KERA: variants seen among roughly 807,000 people sequenced by gnomAD.
The protein encoded by KERA is keratan sulfate proteoglycan keratocan.
KERA carries 25 observed loss-of-function variants against 26.4 expected under a neutral mutation model. That is an observed-to-expected ratio of 0.95 (90% CI 0.69 to 1.32). The LOEUF (loss-of-function observed/expected upper bound fraction) is 1.32, where lower values mean the gene tolerates loss of function less well. Ranked by LOEUF, KERA falls within the 40% of genes most tolerant of loss-of-function variation. The pLI is 0.00. For missense variants in KERA, 434 were observed against 408.9 expected (o/e 1.06, Z -0.53); for synonymous variants, 167 against 146.1 (o/e 1.14, Z -1.03).
intron 2 of KERA, 36 bp downstream of exon 2, chr12:91,055,360 C>A (rs766821401): frequency 1.3e-6 from 2 of 1,563,446 alleles, no homozygotes; most frequent in South Asian, 1.1e-5. Flanking sequence ...TGACCATGAG[C>A]CCTTTAGTCA....
chr12:91,054,720 C>T (rs907469784), intron 2 of KERA, among the ~76,000 whole-genome samples: 6 of 151,284 alleles, frequency 4.0e-5, no homozygotes, highest in Admixed American at 4.0e-4. Flanking sequence ...GAGTTGCCAG[C>T]TACCAGGGAA....
intron 2 of KERA, among the ~76,000 whole-genome samples, chr12:91,053,509 AG>A (rs766086006): frequency 1.3e-5 from 2 of 151,286 alleles, no homozygotes; most frequent in Non-Finnish European, 3.0e-5. Context: ...AGGATTAAAT[AG>A]TAGTTCTCAA....
At chr12:91,056,710 T>C (rs1879013755) in intron 1 of KERA, among the ~76,000 whole-genome samples, 1 of 151,298 alleles carries the variant, frequency 6.6e-6, no homozygotes, top group African/African-American at 2.4e-5. Flanking sequence ...CTTTTACTTT[T>C]ACTCTTAAAT....
In KERA at chr12:91,052,834, C is replaced by T. The variant is rs552283816; in HGVS notation, c.887-1316G>A. The stretch of plus-strand genomic sequence containing the variant: ...CCCTTTCGATGTGCAATCCCCTTAT[C>T]CTCATCAAGCTCATGTCCCATAATC... On this transcript the variant is annotated intron_variant, in intron 2 of 2. Transcript: ENST00000266719. Among the ~76,000 whole-genome samples, 10 of 151,276 alleles carry T rather than the reference C, an allele frequency of 6.6e-5. No homozygotes were observed. The South Asian group carries it at 1.9e-3, about 28-fold the overall frequency.
At chr12:91,056,386 G>T in intron 1 of KERA, 97 bp from the exon 2 acceptor site, 1 of 963,266 alleles carries the variant, frequency 1.0e-6, no homozygotes. Flanking sequence ...CTTCTTCAGG[G>T]AAGAGGTGAA....
intron 2 of KERA, among the ~76,000 whole-genome samples, chr12:91,051,926 A>G (rs1456439171): frequency 6.6e-6 from 1 of 151,566 alleles, no homozygotes; most frequent in African/African-American, 2.4e-5. Flanking sequence ...ATGGGTAAGT[A>G]CAAGAGTAGA....
At chr12:91,056,923 C>T (rs1323020086) in intron 1 of KERA, among the ~76,000 whole-genome samples, 1 of 150,910 alleles carries the variant, frequency 6.6e-6, no homozygotes, top group African/African-American at 2.4e-5. Flanking sequence ...TTTAAGCACA[C>T]AATTAAGTTG....
intron 2 of KERA, 44 bp downstream of exon 2, chr12:91,055,352 A>G: frequency 4.6e-6 from 7 of 1,520,848 alleles, no homozygotes; most frequent in Non-Finnish European, 6.4e-6. Flanking sequence ...ACATTTAATG[A>G]CCATGAGCCC....
intron 2 of KERA, among the ~76,000 whole-genome samples, chr12:91,053,071 T>G (rs183321967): frequency 1.8e-4 from 26 of 143,976 alleles, no homozygotes; most frequent in African/African-American, 7.0e-4. Context: ...AATTTTGATG[T>G]CTTTTCATAG....
In KERA at chr12:91,051,383, A is replaced by G; in HGVS notation, c.1022T>C (p.Met341Thr). The change falls in exon 3 of 3, where the codon ATG (methionine) becomes ACG (threonine). Residue 341 changes from methionine (M) to threonine (T), a missense_variant. By Grantham distance (81) the Met-to-Thr change is moderately conservative. Transcript: ENST00000266719. The part of the protein sequence containing the change: ...EIKPPIPMAL[M>T]TCFRLLQAVI... ...AGCCTGCAGAAGTCTGAAGCAGGTC[A>G]TTAAAGCCATTGGAATTGGTGGTTT... 1 of 1,611,406 alleles carries G rather than the reference A, an allele frequency of 6.2e-7. No individual in the cohort carries two copies. The highest frequency in any genetic ancestry group is 8.5e-7 in the Non-Finnish European group (1 of 1,178,172).
chr12:91,051,468 G>A lies in KERA; in HGVS notation c.937C>T (p.Arg313Ter), dbSNP rs121917863. The change falls in exon 3 of 3, where the codon CGA (arginine) becomes TGA (stop). Residue 313 changes from arginine to a stop codon, truncating the protein, a stop_gained. Transcript: ENST00000266719. LOFTEE classifies it high-confidence loss of function. The part of the protein sequence containing the change: ...CPSPSMLPAE[R>*]DSFSYGPHLR... ...TGAGGTCCATAACTGAAGGAATCTCGTTCTGCAGGCAGCATGGATGGGCTG... is the reference window on the plus strand; with the variant it reads ...TGAGGTCCATAACTGAAGGAATCTCATTCTGCAGGCAGCATGGATGGGCTG... 20 of 1,610,592 alleles carry A rather than the reference G, an allele frequency of 1.2e-5. No homozygotes were observed. The highest frequency in any genetic ancestry group is 1.7e-5 in the Admixed American group (1 of 59,710).
chr12:91,055,329 T>G, intron 2 of KERA, 67 bp downstream of exon 2: 1 of 1,403,770 alleles, frequency 7.1e-7, no homozygotes, highest in East Asian at 2.3e-5. Flanking sequence ...CTCTTCTTAA[T>G]GAAAATAAAG....
rs748252361 is a variant in KERA at position 91,051,437 on chromosome 12, C to T, written c.968G>A (p.Arg323His). The change falls in exon 3 of 3, where the codon CGC becomes CAC. Residue 323 changes from arginine to histidine, a missense_variant. By Grantham distance (29) the Arg-to-His change is conservative. Transcript: ENST00000266719. Reference protein sequence around the residue: ...RDSFSYGPHLRYLRLDGNEIK... With the variant: ...RDSFSYGPHLHYLRLDGNEIK... ...TTCATTTCCATCCAGACGGAGGTAGCGAAGATGAGGTCCATAACTGAAGGA... is the reference window on the plus strand; with the variant it reads ...TTCATTTCCATCCAGACGGAGGTAGTGAAGATGAGGTCCATAACTGAAGGA... 20 of 1,610,628 alleles carry T rather than the reference C, an allele frequency of 1.2e-5. No individual in the cohort carries two copies. In the East Asian group the frequency reaches 2.5e-4, roughly 20 times the overall value.
At position 91,055,472 on chromosome 12, in the gene KERA, C is replaced by A. The variant is rs150620296; in HGVS notation, c.810G>T (p.Ser270=). ...GGGGAACCTTTGTGAGTTGATTGTGCGACAGTTGAAGATCTAGAATTGATG... is the reference window on the plus strand; with the variant it reads ...GGGGAACCTTTGTGAGTTGATTGTGAGACAGTTGAAGATCTAGAATTGATG... ...DVSSILDLQL[S]HNQLTKVPRI... Residue 270 remains serine (S), a synonymous_variant, in exon 2 of 3, where the codon TCG becomes TCT. Transcript: ENST00000266719. The A allele has an allele frequency of 1.2e-6, 2 of 1,609,760 alleles. No homozygotes were observed. Among genetic ancestry groups the A allele is most frequent in the South Asian group, 1.1e-5 (1 of 90,862 alleles).
chr12:91,052,484 T>C (rs1481753694), intron 2 of KERA, among the ~76,000 whole-genome samples: 1 of 151,610 alleles, frequency 6.6e-6, no homozygotes, highest in Non-Finnish European at 1.5e-5. Flanking sequence ...TAGTGAATAA[T>C]TTTATGTTTC....
intron 2 of KERA, among the ~76,000 whole-genome samples, chr12:91,054,850 C>G (rs1878950514): frequency 6.6e-6 from 1 of 151,226 alleles, no homozygotes; most frequent in Non-Finnish European, 1.5e-5. Context: ...CACTCCACAT[C>G]TACTGAATCA....
At chr12:91,051,610 G>T in intron 2 of KERA, 92 bp from the exon 3 acceptor site, 1 of 868,478 alleles carries the variant, frequency 1.2e-6, no homozygotes. Context: ...GTCCTATGGA[G>T]GGCTTAGTGG....
rs960917505 is a variant in KERA at position 91,050,996 on chromosome 12, A to G, written c.*350T>C. 2 of 222,478 alleles carry G rather than the reference A, an allele frequency of 9.0e-6. No homozygotes were observed. Among genetic ancestry groups the G allele is most frequent in the Admixed American group, 1.0e-4 (2 of 19,628 alleles). 13.8% of individuals were successfully genotyped at this position (222,478 alleles called of 1,614,324 possible). A position where few individuals can be genotyped will look rare whatever the true frequency, so the allele number is the denominator to read the frequency against. The stretch of plus-strand genomic sequence containing the variant: ...TTATACTGTAAATTACGGTATCTGC[A>G]TAAGTAATTTTAAACATACACAAAT... On this transcript the variant is annotated 3_prime_UTR_variant, in exon 3 of 3. Coordinates refer to ENST00000266719, the MANE Select transcript of KERA (RefSeq NM_007035.4).
chr12:91,053,359 T>C (rs981917079), intron 2 of KERA, among the ~76,000 whole-genome samples: 1 of 151,432 alleles, frequency 6.6e-6, no homozygotes, highest in Non-Finnish European at 1.5e-5. Context: ...GTTATTATAC[T>C]GTATGAGTGA....
Sources: gnomAD v4.1 joint callset for allele counts (sites outside exome capture counted in the v4.1 genomes callset) on GRCh38, gnomAD v4.1.1 for gene constraint, MANE v1.5 for transcripts, NCBI Gene and HGNC (gene_info 2026-07-23, HGNC 2026-07-21) for gene names.